TMPRSS9: variants seen among roughly 807,000 people sequenced by gnomAD.
TMPRSS9 encodes transmembrane serine protease 9.
A neutral mutation model predicts 111.4 loss-of-function variants in TMPRSS9; 113 were observed. That is an observed-to-expected ratio of 1.01 (90% CI 0.87 to 1.19). TMPRSS9 has a LOEUF of 1.19. TMPRSS9 is among the 50% of genes most tolerant of loss of function. The pLI, the probability that TMPRSS9 is intolerant of heterozygous loss-of-function variation, is 0.00. For missense variants in TMPRSS9, 1,803 were observed against 1,513.1 expected (o/e 1.19, Z -3.18); for synonymous variants, 805 against 659.1 (o/e 1.22, Z -3.39).
Position 2,408,337 on chromosome 19 carries a change from C to T in TMPRSS9, c.843-19C>T, listed in dbSNP as rs767217891. 14 of 1,607,096 alleles carry T rather than the reference C, an allele frequency of 8.7e-6. No individual in the cohort carries two copies. Among genetic ancestry groups the T allele is most frequent in the Non-Finnish European group, 1.2e-5 (14 of 1,174,842 alleles). On this transcript the variant is annotated intron_variant, in intron 7 of 17. Coordinates refer to ENST00000648592, the Ensembl canonical transcript of TMPRSS9. ...GCTCTGACCCTCGGTGGCTTCTGAG[C>T]TGGGGTTTGCTCCTGCAGGTTCCAA...
intron 1 of TMPRSS9, among the ~76,000 whole-genome samples, chr19:2,379,615 C>CTCCTTCTTTCTT (rs1970365963): frequency 8.4e-6 from 1 of 118,510 alleles, no homozygotes; most frequent in African/African-American, 3.2e-5. Flanking sequence ...AACTTTCTTT[C>CTCCTTCTTTCTT]TCTTTCTTTC....
exon 2 of TMPRSS9, chr19:2,396,655 C>T (rs143633707): frequency 6.2e-7 from 1 of 1,608,556 alleles, no homozygotes; most frequent in African/African-American, 1.3e-5. Context: ...GACGCCCACC[C>T]TGGAGGCACT....
exon 12 of TMPRSS9, chr19:2,416,590 C>G: frequency 6.2e-7 from 1 of 1,612,226 alleles, no homozygotes; most frequent in African/African-American, 1.3e-5. Context: ...CCTCCTGGGC[C>G]TGGGCGGGAG....
intron 1 of TMPRSS9, among the ~76,000 whole-genome samples, chr19:2,381,753 C>A (rs1970387764): frequency 6.6e-6 from 1 of 152,146 alleles, no homozygotes; most frequent in Non-Finnish European, 1.5e-5. Context: ...TGGCTGGGCC[C>A]CAGCATAGGG....
intron 1 of TMPRSS9, among the ~76,000 whole-genome samples, chr19:2,376,433 G>GATTAGGA (rs1414904619): frequency 6.6e-6 from 1 of 151,954 alleles, no homozygotes; most frequent in African/African-American, 2.4e-5. Context: ...TTATTCTGTG[G>GATTAGGA]CCACAGGACC....
chr19:2,406,864 GT>G (rs1190271100), intron 7 of TMPRSS9, among the ~76,000 whole-genome samples: 1 of 149,616 alleles, frequency 6.7e-6, no homozygotes, highest in Non-Finnish European at 1.5e-5. Flanking sequence ...CAGTGGTGCA[GT>G]TTTGGCTCTC....
In TMPRSS9 at chr19:2,364,368, A is replaced by G. The variant is rs1243869456; in HGVS notation, c.-26+4008A>G. 2.0e-5 allele frequency among the ~76,000 whole-genome samples: 3 copies of G among 152,130 alleles called. No homozygotes were observed. The East Asian group carries it at 5.8e-4, about 29-fold the overall frequency. On this transcript the variant is annotated intron_variant, in intron 1 of 17. Coordinates refer to the TMPRSS9 transcript ENST00000649857. ...TGTTGCTCTGAAATGGATGCAGAGGATAACATATTCTGGGTGATCCACTCA... is the reference window on the plus strand; with the variant it reads ...TGTTGCTCTGAAATGGATGCAGAGGGTAACATATTCTGGGTGATCCACTCA...
In TMPRSS9 at chr19:2,407,514, G is replaced by A. The variant is rs188497541; in HGVS notation, c.843-842G>A. On this transcript the variant is annotated intron_variant, in intron 7 of 17. Transcript: ENST00000648592. ...TGCACTCCAGTCTGGGAGACAGAGCGAGACTCTGTCTCAAAAAAACAAAAC... is the reference window on the plus strand; with the variant it reads ...TGCACTCCAGTCTGGGAGACAGAGCAAGACTCTGTCTCAAAAAAACAAAAC... 4.3e-3 allele frequency among the ~76,000 whole-genome samples: 648 copies of A among 151,230 alleles called. 2 individuals carry two copies. The highest frequency in any genetic ancestry group is 0.015 in the African/African-American group (616 of 41,188).
In TMPRSS9 at chr19:2,424,421, C is replaced by T. The variant is rs1204822925; in HGVS notation, c.2717+164C>T. ...CTCCTCCCACCCCCCATCTCCCCAT[C>T]CTCGCTCCCTGCAGCCCTCCCCTGA... On this transcript the variant is annotated intron_variant, in intron 15 of 17. Transcript: ENST00000648592. Among the ~76,000 whole-genome samples the T allele has an allele frequency of 8.1e-5, 12 of 147,940 alleles. 1 individual carries two copies. The highest frequency in any genetic ancestry group is 3.0e-4 in the African/African-American group (12 of 40,260).
rs977626067 is a variant in TMPRSS9, at chr19:2,392,735, C to G, written c.142+2808C>G. 6.6e-5 allele frequency among the ~76,000 whole-genome samples: 10 copies of G among 152,252 alleles called. No individual in the cohort carries two copies. In the East Asian group the frequency reaches 1.9e-3, roughly 29 times the overall value. ...AGGATTGTAAATGCACCAATAAGCA[C>G]TCTGTGTCTAGCTCAAGGTTTATAA... On this transcript the variant is annotated intron_variant, in intron 1 of 17. Transcript: ENST00000648592.
intron 9 of TMPRSS9, among the ~76,000 whole-genome samples, chr19:2,411,722 T>C (rs1971100752): frequency 6.6e-6 from 1 of 152,164 alleles, no homozygotes; most frequent in South Asian, 2.1e-4. Context: ...TGGATAATTT[T>C]TATACTTTTA....
At chr19:2,384,809 C>T (rs1166814455), upstream of TMPRSS9, among the ~76,000 whole-genome samples, 3 of 116,720 alleles carry the variant, frequency 2.6e-5, no homozygotes, top group Non-Finnish European at 5.3e-5. Flanking sequence ...AGTAAGGCTC[C>T]GTCAAAAAAA....
chr19:2,399,934 G>A (rs1007874883), intron 4 of TMPRSS9, among the ~76,000 whole-genome samples: 2 of 152,092 alleles, frequency 1.3e-5, no homozygotes, highest in Admixed American at 1.3e-4. Context: ...TTCACCATGT[G>A]TACTGGGCTG....
chr19:2,398,156 C>T (rs1379616502), intron 2 of TMPRSS9, among the ~76,000 whole-genome samples: 2 of 148,544 alleles, frequency 1.3e-5, no homozygotes, highest in African/African-American at 5.0e-5. Flanking sequence ...ATTAGCCACG[C>T]ATGGTGGTGT....
chr19:2,403,093 G>T (rs1239789061), exon 6 of TMPRSS9: 1 of 1,610,302 alleles, frequency 6.2e-7, no homozygotes, highest in South Asian at 1.1e-5. Context: ...CCGCTGTCCA[G>T]GGAACTCCTT....
intron 1 of TMPRSS9, among the ~76,000 whole-genome samples, chr19:2,392,270 G>A (rs1482335189): frequency 2.0e-5 from 3 of 152,130 alleles, no homozygotes; most frequent in African/African-American, 7.2e-5. Flanking sequence ...GTGCGTGCCA[G>A]TAGTCCCTGC....
intron 1 of TMPRSS9, among the ~76,000 whole-genome samples, chr19:2,364,016 A>C (rs1012345852): frequency 2.6e-4 from 39 of 151,936 alleles, no homozygotes; most frequent in African/African-American, 8.9e-4. Context: ...CTGTTGGTAT[A>C]AGCACATCTC....
intron 8 of TMPRSS9, among the ~76,000 whole-genome samples, chr19:2,409,609 G>A (rs1026169839): frequency 2.0e-5 from 3 of 152,122 alleles, no homozygotes; most frequent in Middle Eastern, 3.2e-3. Flanking sequence ...GGCAGCTGCA[G>A]CTTTAAATAG....
Position 2,373,117 on chromosome 19 carries a change from G to A in TMPRSS9, c.-26+12757G>A, listed in dbSNP as rs970793526. On this transcript the variant is annotated intron_variant, in intron 1 of 17. Transcript: ENST00000649857. ...CAAGGTGCTGGGATTACAGGCATGAGCCACTGCGCCCAGCCAGAAACTTGG... is the reference window on the plus strand; with the variant it reads ...CAAGGTGCTGGGATTACAGGCATGAACCACTGCGCCCAGCCAGAAACTTGG... 2.0e-5 allele frequency among the ~76,000 whole-genome samples: 3 copies of A among 150,740 alleles called. No individual in the cohort carries two copies. In the South Asian group the frequency reaches 6.3e-4, roughly 32 times the overall value.
Sources: allele counts gnomAD v4.1 joint callset (sites outside exome capture counted in the v4.1 genomes callset), GRCh38; gene constraint gnomAD v4.1.1; transcripts MANE v1.5; gene names NCBI Gene and HGNC (gene_info 2026-07-23, HGNC 2026-07-21).